The following KDM4C variants were observed in gnomAD, a reference collection of about 807,000 sequenced individuals.
The protein encoded by KDM4C is lysine demethylase 4C, also known as lysine-specific demethylase 4C.
KDM4C carries 81 observed loss-of-function variants against 129.3 expected under a neutral mutation model. The ratio of observed to expected loss-of-function variants is 0.63; its 90% CI spans 0.52 to 0.75. KDM4C has a LOEUF of 0.75. Among genes scored for constraint, KDM4C ranks in the 30% least tolerant of loss-of-function variants. The pLI, the probability that KDM4C is intolerant of heterozygous loss-of-function variation, is 0.00. For missense variants in KDM4C, 1,457 were observed against 1,304.0 expected (o/e 1.12, Z -1.81); for synonymous variants, 573 against 456.1 (o/e 1.26, Z -3.26).
intron 3 of KDM4C, among the ~76,000 whole-genome samples, chr9:6,810,013 A>G (rs935734999): frequency 6.6e-6 from 1 of 151,204 alleles, no homozygotes; most frequent in Non-Finnish European, 1.5e-5. Flanking sequence ...AAAATTTCAA[A>G]TATAGCCATA....
intron 5 of KDM4C, among the ~76,000 whole-genome samples, chr9:6,850,427 C>T (rs540021208): frequency 3.3e-5 from 5 of 152,104 alleles, no homozygotes; most frequent in Middle Eastern, 6.8e-3. Context: ...CTGGTTCATC[C>T]TCCTCTAATT....
Position 6,868,298 on chromosome 9 carries a change from T to TG in KDM4C, c.630-11713dup, listed in dbSNP as rs545056114. On this transcript the variant is annotated intron_variant, in intron 5 of 21. Coordinates refer to ENST00000381309, the MANE Select transcript of KDM4C (RefSeq NM_015061.6). ...AACCATACGTGCAGGCAGTCCTACGTGAGGAAACTTGAGGAAAATATCCTC... is the reference window on the plus strand; with the variant it reads ...AACCATACGTGCAGGCAGTCCTACGTGGAGGAAACTTGAGGAAAATATCCTC... 2.8e-3 allele frequency among the ~76,000 whole-genome samples: 433 copies of TG among 152,190 alleles called. 2 individuals are homozygous for TG. Among genetic ancestry groups the TG allele is most frequent in the African/African-American group, 0.01 (422 of 41,530 alleles).
chr9:7,142,340 A>G (rs1045039559), intron 19 of KDM4C, among the ~76,000 whole-genome samples: 1 of 152,140 alleles, frequency 6.6e-6, no homozygotes, highest in Non-Finnish European at 1.5e-5. Context: ...GCTGTTCTGG[A>G]ACTCCTAAAG....
At chr9:6,928,416 T>C (rs778385063) in intron 8 of KDM4C, among the ~76,000 whole-genome samples, 7 of 152,202 alleles carry the variant, frequency 4.6e-5, no homozygotes, top group Non-Finnish European at 1.0e-4. Flanking sequence ...GTATCTCTTG[T>C]CCAGAACAGG....
chr9:6,836,996 C>T (rs770398058), intron 4 of KDM4C, among the ~76,000 whole-genome samples: 2 of 152,052 alleles, frequency 1.3e-5, no homozygotes, highest in Non-Finnish European at 2.9e-5. Flanking sequence ...TTTAACTTTA[C>T]CAGATACTGT....
chr9:6,951,296 C>G (rs991118663), intron 8 of KDM4C, among the ~76,000 whole-genome samples: 1 of 152,100 alleles, frequency 6.6e-6, no homozygotes, highest in African/African-American at 2.4e-5. Context: ...AACTTTGTAT[C>G]CTTTAACACA....
intron 18 of KDM4C, among the ~76,000 whole-genome samples, chr9:7,120,583 A>G (rs1367661540): frequency 6.6e-6 from 1 of 152,226 alleles, no homozygotes. Flanking sequence ...AAACCTGAGA[A>G]TGAAATTATT....
chr9:7,005,180 A>T (rs984847165), intron 12 of KDM4C, among the ~76,000 whole-genome samples: 1 of 152,170 alleles, frequency 6.6e-6, no homozygotes. Flanking sequence ...TCACACCTGT[A>T]ATCCCAGCAC....
At chr9:6,938,689 T>C (rs1181979496) in intron 8 of KDM4C, among the ~76,000 whole-genome samples, 1 of 152,198 alleles carries the variant, frequency 6.6e-6, no homozygotes, top group East Asian at 1.9e-4. Context: ...GAGTTGTGTG[T>C]GGCTTAGTGG....
At chr9:7,001,531 C>T (rs554286827) in intron 12 of KDM4C, among the ~76,000 whole-genome samples, 2 of 152,184 alleles carry the variant, frequency 1.3e-5, no homozygotes, top group Non-Finnish European at 2.9e-5. Context: ...GATGTATAGC[C>T]TTGTTCTCTC....
Position 7,077,773 on chromosome 9 carries a change from A to G in KDM4C, c.2425-25912A>G, listed in dbSNP as rs574527436. Among the ~76,000 whole-genome samples, 9 of 152,244 alleles carry G rather than the reference A, an allele frequency of 5.9e-5. No individual in the cohort carries two copies. The South Asian group carries it at 1.9e-3, about 32-fold the overall frequency. ...CAAGGCAACACAGTGCATGCACCAC[A>G]TTTTCAACTTGCAGACCAGTCAGTC... On this transcript the variant is annotated intron_variant, in intron 17 of 21. Coordinates refer to ENST00000381309, the MANE Select transcript of KDM4C (RefSeq NM_015061.6).
At chr9:6,793,758 G>A (rs1827208479) in intron 2 of KDM4C, among the ~76,000 whole-genome samples, 1 of 151,936 alleles carries the variant, frequency 6.6e-6, no homozygotes. Flanking sequence ...GGCCAGGCTG[G>A]TCTTGAACTC....
At chr9:6,826,357 GAA>G (rs1833869150) in intron 4 of KDM4C, among the ~76,000 whole-genome samples, 1 of 151,964 alleles carries the variant, frequency 6.6e-6, no homozygotes, top group Non-Finnish European at 1.5e-5. Flanking sequence ...ATTACATAGA[GAA>G]AATGAAAATC....
At chr9:6,797,986 C>G (rs567986386) in intron 2 of KDM4C, among the ~76,000 whole-genome samples, 2 of 152,248 alleles carry the variant, frequency 1.3e-5, no homozygotes, top group East Asian at 3.9e-4. Flanking sequence ...ACTTTGGAAT[C>G]TTTTAAAGAT....
chr9:7,043,505 A>C (rs564305186), intron 15 of KDM4C, among the ~76,000 whole-genome samples: 2 of 152,178 alleles, frequency 1.3e-5, no homozygotes, highest in Admixed American at 1.3e-4. Context: ...AAGGTTAAAA[A>C]TTGTCTTATC....
chr9:6,998,839 C>G (rs542848155), intron 12 of KDM4C, among the ~76,000 whole-genome samples: 1 of 152,042 alleles, frequency 6.6e-6, no homozygotes, highest in Non-Finnish European at 1.5e-5. Flanking sequence ...ACAACAACAA[C>G]AAAAAATTGT....
chr9:7,002,532 T>C (rs373007211), intron 12 of KDM4C, among the ~76,000 whole-genome samples: 2 of 152,198 alleles, frequency 1.3e-5, no homozygotes, highest in South Asian at 4.1e-4. Context: ...TTTCTCCTTT[T>C]TCACCTATCT....
At chr9:6,875,428 G>T (rs1465553965) in intron 5 of KDM4C, among the ~76,000 whole-genome samples, 1 of 152,156 alleles carries the variant, frequency 6.6e-6, no homozygotes, top group Non-Finnish European at 1.5e-5. Flanking sequence ...AGAGGAGTGG[G>T]TGTTTTGTTG....
At chr9:6,932,237 A>G (rs1277412956) in intron 8 of KDM4C, among the ~76,000 whole-genome samples, 1 of 152,246 alleles carries the variant, frequency 6.6e-6, no homozygotes, top group Non-Finnish European at 1.5e-5. Flanking sequence ...CCTTCAGAAC[A>G]GAGTGGAAGC....
Sources: allele counts gnomAD v4.1 joint callset (sites outside exome capture counted in the v4.1 genomes callset), GRCh38; gene constraint gnomAD v4.1.1; transcripts MANE v1.5; gene names NCBI Gene and HGNC (gene_info 2026-07-23, HGNC 2026-07-21).